Variants in FER observed in about 807,000 individuals in gnomAD.
FER encodes the protein FER tyrosine kinase.
In FER, 63 loss-of-function variants were observed where a neutral mutation model predicts 111.0. That is an observed-to-expected ratio of 0.57 (90% CI 0.46 to 0.70). The LOEUF (loss-of-function observed/expected upper bound fraction) is 0.70, where lower values mean the gene tolerates loss of function less well. Ranked by LOEUF, FER falls within the 30% of genes least tolerant of loss-of-function variation. FER has a pLI of 0.00. For missense variants in FER, 914 were observed against 954.0 expected (o/e 0.96, Z 0.55); for synonymous variants, 327 against 313.9 (o/e 1.04, Z -0.44).
intron 13 of FER, 144 bp downstream of exon 13, chr5:108,959,491 T>G: frequency 1.5e-6 from 1 of 666,270 alleles, no homozygotes; most frequent in Non-Finnish European, 2.3e-6. Context: ...CTTTTATTAC[T>G]AATGCAATTG....
intron 2 of FER, among the ~76,000 whole-genome samples, chr5:108,795,137 A>G (rs765276870): frequency 1.3e-5 from 2 of 152,204 alleles, no homozygotes; most frequent in Non-Finnish European, 2.9e-5. Context: ...CAGCCTGGGC[A>G]ACAAAGTGTG....
intron 10 of FER, among the ~76,000 whole-genome samples, chr5:108,919,950 G>T (rs1298949287): frequency 1.3e-5 from 2 of 152,074 alleles, no homozygotes; most frequent in African/African-American, 2.4e-5. Context: ...AAAGTTACGT[G>T]AAATAATGCT....
At chr5:108,894,060 G>GA in intron 9 of FER, among the ~76,000 whole-genome samples, 1 of 151,104 alleles carries the variant, frequency 6.6e-6, no homozygotes, top group Non-Finnish European at 1.5e-5. Flanking sequence ...TGCTGCCCCT[G>GA]AAAGACCTAG....
rs1173188465 is a variant in FER at position 109,034,729 on chromosome 5, G to A, written c.1657-2693G>A. 2.6e-5 allele frequency among the ~76,000 whole-genome samples: 4 copies of A among 151,898 alleles called. No homozygotes were observed. In the East Asian group the frequency reaches 7.7e-4, roughly 29 times the overall value. On this transcript the variant is annotated intron_variant, in intron 13 of 19. Transcript: ENST00000281092. ...TTTCAACCTATTTTTTCAGTGGTTT[G>A]CACTACAAGGATTGGGCTCAACTGC... is the stretch of plus-strand genomic sequence containing the variant.
chr5:108,943,187 C>T (rs1581318639), intron 10 of FER, among the ~76,000 whole-genome samples: 2 of 152,154 alleles, frequency 1.3e-5, no homozygotes, highest in Non-Finnish European at 2.9e-5. Flanking sequence ...TACTCATTGC[C>T]AGCCTGGTAC....
At chr5:108,869,619 T>G (rs550627694) in intron 6 of FER, among the ~76,000 whole-genome samples, 1 of 152,230 alleles carries the variant, frequency 6.6e-6, no homozygotes, top group East Asian at 1.9e-4. Flanking sequence ...GACATCGTTT[T>G]CTTTGAAGGG....
intron 13 of FER, among the ~76,000 whole-genome samples, chr5:108,966,247 G>T (rs1759798878): frequency 6.6e-6 from 1 of 151,986 alleles, no homozygotes; most frequent in Non-Finnish European, 1.5e-5. Flanking sequence ...GGCATAGGCA[G>T]GTAAGGTCTA....
At chr5:108,942,382 C>T (rs1756394713) in intron 10 of FER, among the ~76,000 whole-genome samples, 1 of 152,008 alleles carries the variant, frequency 6.6e-6, no homozygotes, top group Non-Finnish European at 1.5e-5. Context: ...TTGTTTTGTG[C>T]ATTTGGTTTC....
intron 16 of FER, among the ~76,000 whole-genome samples, chr5:109,077,676 C>T (rs1776499370): frequency 6.6e-6 from 1 of 152,108 alleles, no homozygotes; most frequent in Admixed American, 6.6e-5. Context: ...TGTTTCCTGC[C>T]CTGTTGACTT....
At chr5:109,113,050 A>G (rs1749812332) in intron 17 of FER, among the ~76,000 whole-genome samples, 1 of 152,216 alleles carries the variant, frequency 6.6e-6, no homozygotes, top group South Asian at 2.1e-4. Flanking sequence ...AAAAGTGGTC[A>G]TGATCTAAAA....
rs577759915 is a variant in FER at position 108,964,723 on chromosome 5, A to C, written c.1656+5376A>C. Among the ~76,000 whole-genome samples, 4 of 152,326 alleles carry C rather than the reference A, an allele frequency of 2.6e-5. No individual in the cohort carries two copies. In the South Asian group the frequency reaches 8.3e-4, roughly 32 times the overall value. On this transcript the variant is annotated intron_variant, in intron 13 of 19. Transcript: ENST00000281092. ...AGCATAAAATTTTACAAGTTTTCATAGTGGGTCTCTTGAAACAAAAGATTT... is the reference window on the plus strand; with the variant it reads ...AGCATAAAATTTTACAAGTTTTCATCGTGGGTCTCTTGAAACAAAAGATTT...
intron 2 of FER, among the ~76,000 whole-genome samples, chr5:108,794,521 T>TC (rs1755770290): frequency 1.5e-4 from 5 of 33,008 alleles, no homozygotes; most frequent in Non-Finnish European, 1.9e-4. Flanking sequence ...GCTTGCCCCC[T>TC]CCGCACCCCC....
intron 17 of FER, among the ~76,000 whole-genome samples, chr5:109,134,781 T>C (rs1187983690): frequency 6.6e-6 from 1 of 152,168 alleles, no homozygotes; most frequent in Non-Finnish European, 1.5e-5. Context: ...AGTGCACTCA[T>C]ACTATAAAAG....
At chr5:108,973,192 G>A (rs1264485215) in intron 13 of FER, among the ~76,000 whole-genome samples, 1 of 152,068 alleles carries the variant, frequency 6.6e-6, no homozygotes, top group Non-Finnish European at 1.5e-5. Context: ...TACAAGAACA[G>A]ACATACTTGT....
At chr5:109,022,566 A>C (rs2149834272) in intron 13 of FER, among the ~76,000 whole-genome samples, 1 of 152,216 alleles carries the variant, frequency 6.6e-6, no homozygotes, top group Middle Eastern at 3.4e-3. Flanking sequence ...TTGATATGTA[A>C]GTTTTACATA....
intron 5 of FER, among the ~76,000 whole-genome samples, chr5:108,837,027 T>C (rs1160137425): frequency 6.6e-6 from 1 of 152,216 alleles, no homozygotes; most frequent in Non-Finnish European, 1.5e-5. Flanking sequence ...AATGTAGATA[T>C]ATCTTTTGAA....
At chr5:108,785,587 GAACAAACTGGAAAAAAAAA>G (rs1390511237) in intron 2 of FER, 13 of 436,784 alleles carry the variant, frequency 3.0e-5, no homozygotes, top group Non-Finnish European at 5.4e-5. Context: ...ATTAAGAAAC[GAACAAACTGGAAAAAAAAA>G]AGTGGGGAGT....
At chr5:108,901,116 C>G (rs1452530934) in intron 10 of FER, among the ~76,000 whole-genome samples, 2 of 111,220 alleles carry the variant, frequency 1.8e-5, no homozygotes, top group Non-Finnish European at 1.8e-5. Flanking sequence ...GGATTCTTTT[C>G]CTTTGGAGGA....
intron 14 of FER, among the ~76,000 whole-genome samples, chr5:109,041,175 T>C (rs1771129698): frequency 6.6e-6 from 1 of 152,150 alleles, no homozygotes; most frequent in South Asian, 2.1e-4. Flanking sequence ...TCAGTCAGCA[T>C]GATTATGGTT....
Sources: gnomAD v4.1 joint callset for allele counts (sites outside exome capture counted in the v4.1 genomes callset) on GRCh38, gnomAD v4.1.1 for gene constraint, MANE v1.5 for transcripts, NCBI Gene and HGNC (gene_info 2026-07-23, HGNC 2026-07-21) for gene names.